The following SYT9 variants were observed in gnomAD, a reference collection of about 807,000 sequenced individuals.
SYT9 encodes the protein synaptotagmin-9.
A neutral mutation model predicts 48.4 loss-of-function variants in SYT9; 22 were observed. The ratio of observed to expected loss-of-function variants is 0.45; its 90% CI spans 0.32 to 0.65. The LOEUF is 0.65. Ranked by LOEUF, SYT9 falls within the 30% of genes least tolerant of loss-of-function variation. The pLI is 0.03. For synonymous variants in SYT9, 265 were observed against 245.0 expected, an observed-to-expected ratio of 1.08 and a Z score of -0.76; for missense variants, 577 against 622.0, an observed-to-expected ratio of 0.93 and a Z score of 0.77.
At chr11:7,366,172 A>G (rs925686054) in intron 3 of SYT9, among the ~76,000 whole-genome samples, 2 of 152,186 alleles carry the variant, frequency 1.3e-5, no homozygotes, top group African/African-American at 4.8e-5. Flanking sequence ...CTCTATGGCT[A>G]GCAATTTCTC....
chr11:7,322,390 C>T (rs928928815), intron 3 of SYT9, among the ~76,000 whole-genome samples: 3 of 152,150 alleles, frequency 2.0e-5, no homozygotes, highest in African/African-American at 2.4e-5. Context: ...AAGAGGGAAG[C>T]CAGGTTCCTT....
intron 3 of SYT9, among the ~76,000 whole-genome samples, chr11:7,360,477 C>T (rs1268535728): frequency 6.6e-6 from 1 of 152,158 alleles, no homozygotes; most frequent in East Asian, 1.9e-4. Flanking sequence ...ATTCTTCCTA[C>T]TCATGAGCAT....
chr11:7,256,902 C>A (rs994745205), intron 1 of SYT9, among the ~76,000 whole-genome samples: 12 of 152,118 alleles, frequency 7.9e-5, no homozygotes, highest in Non-Finnish European at 1.8e-4. Context: ...AAATATTACT[C>A]TATTCAAGAA....
intron 3 of SYT9, among the ~76,000 whole-genome samples, chr11:7,358,402 A>G (rs929550474): frequency 6.6e-6 from 1 of 152,168 alleles, no homozygotes. Flanking sequence ...GTCATTTTCA[A>G]CGTAACACAA....
intron 3 of SYT9, among the ~76,000 whole-genome samples, chr11:7,412,551 A>G (rs1847157563): frequency 6.6e-6 from 1 of 152,186 alleles, no homozygotes; most frequent in Admixed American, 6.5e-5. Flanking sequence ...TAGGTAGGCC[A>G]GTGGTACAGC....
chr11:7,279,698 A>G (rs950491964), intron 1 of SYT9, among the ~76,000 whole-genome samples: 1 of 152,204 alleles, frequency 6.6e-6, no homozygotes, highest in Non-Finnish European at 1.5e-5. Context: ...TAAATTTTAG[A>G]ACCGTTGCTT....
At chr11:7,278,138 C>G (rs1848431390) in intron 1 of SYT9, among the ~76,000 whole-genome samples, 1 of 152,078 alleles carries the variant, frequency 6.6e-6, no homozygotes, top group African/African-American at 2.4e-5. Flanking sequence ...ATCTAATTGC[C>G]CTGGGTCGAG....
At chr11:7,255,678 G>A (rs548815887) in intron 1 of SYT9, among the ~76,000 whole-genome samples, 3 of 152,276 alleles carry the variant, frequency 2.0e-5, no homozygotes, top group Admixed American at 2.0e-4. Context: ...ATGCTTCAAA[G>A]GCTTTTTGAC....
At chr11:7,356,649 C>G (rs1317919898) in intron 3 of SYT9, among the ~76,000 whole-genome samples, 3 of 152,154 alleles carry the variant, frequency 2.0e-5, no homozygotes, top group Non-Finnish European at 2.9e-5. Context: ...CTTTTTGAAC[C>G]TTATGAGTCC....
At chr11:7,378,118 CA>C (rs3086248) in intron 3 of SYT9, among the ~76,000 whole-genome samples, 3,287 of 143,600 alleles carry the variant, frequency 0.023, 57 homozygotes, top group Non-Finnish European at 0.037. Context: ...TTCAAAGATA[CA>C]AAAAAAAAAA....
At chr11:7,318,775 T>A (rs1376572264) in intron 3 of SYT9, among the ~76,000 whole-genome samples, 1 of 152,204 alleles carries the variant, frequency 6.6e-6, no homozygotes, top group Non-Finnish European at 1.5e-5. Flanking sequence ...TTACATTGAT[T>A]GATTTTCTAA....
At chr11:7,250,453 C>T, upstream of SYT9, among the ~76,000 whole-genome samples, 1 of 97,462 alleles carries the variant, frequency 1.0e-5, no homozygotes, top group Non-Finnish European at 2.2e-5. Context: ...CCCCCGCCAC[C>T]CCCCCCCAGC....
In SYT9 at chr11:7,448,767, A is replaced by G. The variant is rs540040118; in HGVS notation, c.1468-18025A>G. 7.2e-5 allele frequency among the ~76,000 whole-genome samples: 11 copies of G among 152,176 alleles called. 1 individual carries two copies. The highest frequency in any genetic ancestry group is 6.3e-3 in the Middle Eastern group (2 of 316). ...AAACGTCATTCTTTAGCAGGGCCCA[A>G]TGAGTGAGGGGCAGGGTCTCTACAG... On this transcript the variant is annotated intron_variant, in intron 6 of 6. Coordinates refer to ENST00000318881, the MANE Select transcript of SYT9 (RefSeq NM_175733.4).
At chr11:7,262,948 G>A (rs942499974) in intron 1 of SYT9, among the ~76,000 whole-genome samples, 14 of 152,116 alleles carry the variant, frequency 9.2e-5, no homozygotes, top group Admixed American at 2.6e-4. Context: ...TAAGTTAGGA[G>A]ACTTAACAGC....
At chr11:7,335,229 T>C (rs550238612) in intron 3 of SYT9, among the ~76,000 whole-genome samples, 1 of 152,126 alleles carries the variant, frequency 6.6e-6, no homozygotes, top group East Asian at 2.0e-4. Context: ...ACAAATGAAA[T>C]TGAGCATCAT....
In SYT9 at chr11:7,367,242, C is replaced by T. The variant is rs572816103; in HGVS notation, c.1045-48800C>T. Among the ~76,000 whole-genome samples, 21 of 89,886 alleles carry T rather than the reference C, an allele frequency of 2.3e-4. No individual in the cohort carries two copies. The East Asian group carries it at 6.6e-3, about 28-fold the overall frequency. 59.0% of individuals were successfully genotyped at this position (89,886 alleles called of 152,430 possible). A position where few individuals can be genotyped will look rare whatever the true frequency, so the allele number is the denominator to read the frequency against. On this transcript the variant is annotated intron_variant, in intron 3 of 6. Transcript: ENST00000318881. ...AACTACAGGCGCCCGCCACTACGCC[C>T]GGCTAATTTTTTTTTTTTTTTTTGG...
At chr11:7,292,626 C>G (rs1848714692) in intron 1 of SYT9, among the ~76,000 whole-genome samples, 1 of 152,198 alleles carries the variant, frequency 6.6e-6, no homozygotes, top group Admixed American at 6.5e-5. Flanking sequence ...TCCCCAGTCC[C>G]TACATGTTTT....
chr11:7,349,117 G>C (rs996819891), intron 3 of SYT9, among the ~76,000 whole-genome samples: 1 of 152,014 alleles, frequency 6.6e-6, no homozygotes, highest in Non-Finnish European at 1.5e-5. Context: ...GAGATTTCAA[G>C]TGGGCTCCTG....
At chr11:7,335,093 C>T (rs1849611739) in intron 3 of SYT9, among the ~76,000 whole-genome samples, 2 of 152,264 alleles carry the variant, frequency 1.3e-5, no homozygotes, top group Non-Finnish European at 2.9e-5. Flanking sequence ...TTTACACCAG[C>T]TATGAACTGT....
Sources: gnomAD v4.1 joint callset for allele counts (sites outside exome capture counted in the v4.1 genomes callset) on GRCh38, gnomAD v4.1.1 for gene constraint, MANE v1.5 for transcripts, NCBI Gene and HGNC (gene_info 2026-07-23, HGNC 2026-07-21) for gene names.